Variants in CSNK1D observed in about 807,000 individuals in gnomAD.
CSNK1D encodes the protein casein kinase I isoform delta.
In CSNK1D, 16 loss-of-function variants were observed where a neutral mutation model predicts 46.6. That is an observed-to-expected ratio of 0.34 (90% confidence interval 0.23 to 0.52). The LOEUF (loss-of-function observed/expected upper bound fraction) is 0.52, where lower values mean the gene tolerates loss of function less well. Among genes scored for constraint, CSNK1D ranks in the 20% least tolerant of loss-of-function variants. CSNK1D has a pLI of 0.95. For missense variants in CSNK1D, 398 were observed against 578.4 expected, an observed-to-expected ratio of 0.69 and a Z score of 3.20; for synonymous variants, 276 against 228.2, an observed-to-expected ratio of 1.21 and a Z score of -1.89.
intron 2 of CSNK1D, among the ~76,000 whole-genome samples, chr17:82,259,830 C>T (rs1305156555): frequency 6.6e-6 from 1 of 152,222 alleles, no homozygotes; most frequent in African/African-American, 2.4e-5. Flanking sequence ...CAGACTGCAT[C>T]GCGTAACACT....
At chr17:82,240,126 C>T, downstream of CSNK1D, 1 of 1,188,872 alleles carries the variant, frequency 8.4e-7, no homozygotes, top group East Asian at 3.2e-5. Flanking sequence ...TGCCCCTGGC[C>T]TTGCGCCAGC....
In CSNK1D at chr17:82,248,537, G is replaced by T. The variant is rs776832239; in HGVS notation, c.1197+338C>A. 8.6e-7 allele frequency: 1 copy of T among 1,164,470 alleles called. No homozygotes were observed. The highest frequency in any genetic ancestry group is 1.1e-6 in the Non-Finnish European group (1 of 935,782). The allele number at this position is 1,164,470 out of a possible 1,614,324, so 72.1% of individuals were successfully genotyped here. Reference sequence around the variant, plus strand: ...GGGCTGGGGGCACCCACAATGGGGCGCAAGCAGGCGAGCGGTGTCAGCTGC... The same window carrying T: ...GGGCTGGGGGCACCCACAATGGGGCTCAAGCAGGCGAGCGGTGTCAGCTGC... On this transcript the variant is annotated intron_variant, in intron 8 of 8. Transcript: ENST00000314028. The surrounding 1 kb of genome is among the most constrained non-coding windows in gnomAD (Gnocchi z 4.1).
Position 82,249,783 on chromosome 17 carries a change from G to T in CSNK1D, c.886-181C>A. The stretch of plus-strand genomic sequence containing the variant: ...TGGGATGACAGCATCATCCCCACAA[G>T]GGGTCAGAGCCAGGCCTCTCAGCTC... On this transcript the variant is annotated intron_variant, in intron 6 of 8. Transcript: ENST00000314028. The surrounding 1 kb of genome is among the most constrained non-coding windows in gnomAD (Gnocchi z 6.7). 6.8e-7 allele frequency: 1 copy of T among 1,463,878 alleles called. No homozygotes were observed. Among genetic ancestry groups the T allele is most frequent in the African/African-American group, 1.4e-5 (1 of 71,242 alleles). The allele number at this position is 1,463,878 out of a possible 1,614,324, so 90.7% of individuals were successfully genotyped here. A position where few individuals can be genotyped will look rare whatever the true frequency, so the allele number is the denominator to read the frequency against.
rs1568564548 is a variant in CSNK1D, at chr17:82,253,091, G to A, written c.490C>T (p.His164Tyr). 1 of 1,614,246 alleles carries A rather than the reference G, an allele frequency of 6.2e-7. No homozygotes were observed. ...KKYRDARTHQ[H>Y]IPYRENKNLT... ...TTCTTGTTCTCACGATAGGGGATGT[G>A]CTGGTGGGTGCGTGCATCCCGGTAC... Residue 164 changes from histidine (H) to tyrosine (Y), a missense_variant, in exon 4 of 9, where the codon CAC (histidine) becomes TAC (tyrosine). His to Tyr is a moderately conservative substitution (Grantham distance 83, BLOSUM62 2). Around this residue, in one of 2 missense-constraint regions of CSNK1D, gnomAD observed 217 missense variants for 370.3 expected, o/e 0.59. Coordinates refer to ENST00000314028, the MANE Select transcript of CSNK1D (RefSeq NM_001893.6).
downstream of CSNK1D, among the ~76,000 whole-genome samples, chr17:82,241,450 C>T (rs1418446137): frequency 1.3e-5 from 2 of 152,368 alleles, no homozygotes; most frequent in East Asian, 1.9e-4. Context: ...AGAGAACAAG[C>T]CCTCTAACTC....
intron 1 of CSNK1D, among the ~76,000 whole-genome samples, chr17:82,271,269 T>A (rs1358461620): frequency 1.3e-5 from 2 of 152,068 alleles, no homozygotes; most frequent in African/African-American, 4.8e-5. Flanking sequence ...AGAGATGGGG[T>A]TTCGCCACTT....
chr17:82,253,613 G>A (rs1033538204), intron 3 of CSNK1D: 2 of 361,172 alleles, frequency 5.5e-6, no homozygotes, highest in Non-Finnish European at 1.1e-5. Flanking sequence ...AATCACGTGT[G>A]TTCCTGAGAG....
Position 82,250,147 on chromosome 17 carries a change from T to C in CSNK1D, c.886-545A>G, listed in dbSNP as rs1178287248. On this transcript the variant is annotated intron_variant, in intron 6 of 8. Transcript: ENST00000314028. This position sits in a 1 kb window ranked among gnomAD's most constrained non-coding sequence, Gnocchi z 4.6. ...GCTGCACTATCCAGATGCACGGGGGTGGGGAGGTCAGATTTTAAGCCGAGA... is the reference window on the plus strand; with the variant it reads ...GCTGCACTATCCAGATGCACGGGGGCGGGGAGGTCAGATTTTAAGCCGAGA... The C allele has an allele frequency of 1.6e-6, 2 of 1,288,994 alleles. No homozygotes were observed. The highest frequency in any genetic ancestry group is 2.3e-5 in the Admixed American group (1 of 43,476). The allele number at this position is 1,288,994 out of a possible 1,614,324, so 79.8% of individuals were successfully genotyped here. A position where few individuals can be genotyped will look rare whatever the true frequency, so the allele number is the denominator to read the frequency against.
chr17:82,250,169 G>GA lies in CSNK1D; in HGVS notation c.886-568dup, dbSNP rs1486566534. 3.9e-6 allele frequency: 5 copies of GA among 1,289,866 alleles called. No homozygotes were observed. The highest frequency in any genetic ancestry group is 2.0e-6 in the Non-Finnish European group (2 of 989,002). 79.9% of individuals were successfully genotyped at this position (1,289,866 alleles called of 1,614,324 possible). On this transcript the variant is annotated intron_variant, in intron 6 of 8. Transcript: ENST00000314028. The surrounding 1 kb of genome is among the most constrained non-coding windows in gnomAD (Gnocchi z 4.6). ...GGGTGGGGAGGTCAGATTTTAAGCC[G>GA]AGACAGCAACCTATGAAAAAGCAGA...
chr17:82,243,968 G>A lies in CSNK1D; in HGVS notation c.*813C>T. ...TGCCTGCCCACCTCCTGGGGAAGAAGCGCGCAGTGCTTTGCCTGGTAACAC... is the reference window on the plus strand; with the variant it reads ...TGCCTGCCCACCTCCTGGGGAAGAAACGCGCAGTGCTTTGCCTGGTAACAC... On this transcript the variant is annotated 3_prime_UTR_variant, in exon 9 of 9. Coordinates refer to ENST00000314028, the MANE Select transcript of CSNK1D (RefSeq NM_001893.6). 3 of 985,840 alleles carry A rather than the reference G, an allele frequency of 3.0e-6. No homozygotes were observed. The highest frequency in any genetic ancestry group is 3.6e-6 in the Non-Finnish European group (3 of 830,224). 61.1% of individuals were successfully genotyped at this position (985,840 alleles called of 1,614,324 possible). A position where few individuals can be genotyped will look rare whatever the true frequency, so the allele number is the denominator to read the frequency against.
At position 82,243,745 on chromosome 17, in the gene CSNK1D, A is replaced by C. The variant is rs2050782604; in HGVS notation, c.*1036T>G. 1.0e-6 allele frequency: 1 copy of C among 985,358 alleles called. No individual in the cohort carries two copies. The allele number at this position is 985,358 out of a possible 1,614,324, so 61.0% of individuals were successfully genotyped here. On this transcript the variant is annotated 3_prime_UTR_variant, in exon 9 of 9. Transcript: ENST00000314028. ...TAAGCACAGGCATTCATACAGACGG[A>C]GTGCCAATCCGCACAGGAGCATTGA...
downstream of CSNK1D, among the ~76,000 whole-genome samples, chr17:82,242,170 C>T (rs1001566579): frequency 2.7e-5 from 4 of 149,248 alleles, no homozygotes; most frequent in Non-Finnish European, 5.9e-5. Flanking sequence ...GGCAGCCTGA[C>T]AGCCCCCGCA....
At chr17:82,257,980 G>A (rs899825760) in intron 2 of CSNK1D, among the ~76,000 whole-genome samples, 1 of 152,112 alleles carries the variant, frequency 6.6e-6, no homozygotes, top group African/African-American at 2.4e-5. Context: ...GTGGAAGTGG[G>A]AGGATCACTT....
chr17:82,247,850 A>G, intron 8 of CSNK1D: 1 of 985,460 alleles, frequency 1.0e-6, no homozygotes, highest in Non-Finnish European at 1.2e-6. Flanking sequence ...AGTTATACAA[A>G]AAGGTCTGTT....
At position 82,251,453 on chromosome 17, in the gene CSNK1D, G is replaced by A. The variant is rs2051006191; in HGVS notation, c.811C>T (p.Gln271Ter). The A allele has an allele frequency of 6.2e-7, 1 of 1,614,172 alleles. No homozygotes were observed. Among genetic ancestry groups the A allele is most frequent in the Non-Finnish European group, 8.5e-7 (1 of 1,180,026 alleles). The change falls in exon 6 of 9, where the codon CAG (glutamine) becomes TAG (stop). Residue 271 changes from glutamine (Q) to a stop codon, truncating the protein, a stop_gained. Transcript: ENST00000314028. LOFTEE classifies it high-confidence loss of function. This position sits in a 1 kb window ranked among gnomAD's most constrained non-coding sequence, Gnocchi z 4.5. ...DDKPDYSYLRQLFRNLFHRQG... is the reference protein window; with the variant it reads ...DDKPDYSYLR Reference sequence around the variant, plus strand: ...CGATGGAACAGATTCCGGAAAAGCTGCCGCAGGTACGAGTAGTCAGGCTTG... The same window carrying A: ...CGATGGAACAGATTCCGGAAAAGCTACCGCAGGTACGAGTAGTCAGGCTTG...
Position 82,249,894 on chromosome 17 carries a change from C to T in CSNK1D, c.886-292G>A, listed in dbSNP as rs1325367596. On this transcript the variant is annotated intron_variant, in intron 6 of 8. Transcript: ENST00000314028. This position sits in a 1 kb window ranked among gnomAD's most constrained non-coding sequence, Gnocchi z 6.7. Reference sequence around the variant, plus strand: ...TAAACTTCCAAATGGGCAGCAGCTACCCCCTGCTGCTCTGTGAACATGCTC... The same window carrying T: ...TAAACTTCCAAATGGGCAGCAGCTATCCCCTGCTGCTCTGTGAACATGCTC... 1 of 1,371,576 alleles carries T rather than the reference C, an allele frequency of 7.3e-7. No homozygotes were observed. The highest frequency in any genetic ancestry group is 3.0e-5 in the Admixed American group (1 of 32,962). 85.0% of individuals were successfully genotyped at this position (1,371,576 alleles called of 1,614,324 possible). A position where few individuals can be genotyped will look rare whatever the true frequency, so the allele number is the denominator to read the frequency against.
At chr17:82,241,379 G>A (rs1418840115), downstream of CSNK1D, among the ~76,000 whole-genome samples, 2 of 152,246 alleles carry the variant, frequency 1.3e-5, no homozygotes, top group Non-Finnish European at 2.9e-5. Flanking sequence ...TACCTGGAGG[G>A]CCTGCTCTTT....
chr17:82,272,803 A>G (rs1425609067), intron 1 of CSNK1D, among the ~76,000 whole-genome samples: 2 of 152,196 alleles, frequency 1.3e-5, no homozygotes, highest in African/African-American at 2.4e-5. Flanking sequence ...CTGCGGAAGA[A>G]AGAGCGTGGC....
At chr17:82,258,664 C>T (rs1288716936) in intron 2 of CSNK1D, among the ~76,000 whole-genome samples, 2 of 152,186 alleles carry the variant, frequency 1.3e-5, no homozygotes, top group African/African-American at 4.8e-5. Flanking sequence ...GGCAACAGAT[C>T]ACCTTTCAAA....
Sources: gnomAD v4.1 joint callset for allele counts (sites outside exome capture counted in the v4.1 genomes callset) on GRCh38, gnomAD v4.1.1 for gene constraint, gnomAD v4.1.1 regional missense constraint, Gnocchi (gnomAD v3.1) non-coding constraint, MANE v1.5 for transcripts, NCBI Gene and HGNC (gene_info 2026-07-23, HGNC 2026-07-21) for gene names.